Variants in FMN2 observed in about 807,000 individuals in gnomAD.
The protein encoded by FMN2 is formin-2.
Under a neutral mutation model 142.3 loss-of-function variants are expected in FMN2, and 51 were observed. The observed-to-expected ratio is 0.36, with a 90% CI of 0.29 to 0.45. The LOEUF (loss-of-function observed/expected upper bound fraction) is 0.45, where lower values mean the gene tolerates loss of function less well. FMN2 is among the 20% of genes least tolerant of loss of function. FMN2 has a pLI of 1.00. For synonymous variants in FMN2, 882 were observed against 869.8 expected (o/e 1.01, Z -0.25); for missense variants, 1,936 against 2,122.8 (o/e 0.91, Z 1.73).
chr1:240,193,307 G>A lies in FMN2; in HGVS notation c.1986+5045G>A, dbSNP rs190830974. 1.5e-3 allele frequency among the ~76,000 whole-genome samples: 229 copies of A among 152,214 alleles called. 2 individuals are homozygous for A. The South Asian group carries it at 0.019, about 13-fold the overall frequency. On this transcript the variant is annotated intron_variant, in intron 4 of 17. Coordinates refer to ENST00000319653, the MANE Select transcript of FMN2 (RefSeq NM_020066.5). ...TTGTGGTAGATATTGAAGGAAATACGAAGAATTATAAGACAAAATCTTGGG... is the reference window on the plus strand; with the variant it reads ...TTGTGGTAGATATTGAAGGAAATACAAAGAATTATAAGACAAAATCTTGGG...
chr1:240,233,894 T>TG (rs1215569054), intron 6 of FMN2, among the ~76,000 whole-genome samples: 2 of 152,130 alleles, frequency 1.3e-5, no homozygotes, highest in East Asian at 3.9e-4. Context: ...ACCCTGGAAA[T>TG]GGATTCTTTA....
chr1:240,367,463 T>C (rs377654443), intron 14 of FMN2, among the ~76,000 whole-genome samples: 15 of 152,274 alleles, frequency 9.9e-5, no homozygotes, highest in Admixed American at 8.5e-4. Flanking sequence ...TGGTGCATAA[T>C]TTTTTTGCCT....
chr1:240,292,088 C>A (rs188041846), intron 7 of FMN2, among the ~76,000 whole-genome samples: 2 of 152,232 alleles, frequency 1.3e-5, no homozygotes, highest in South Asian at 4.1e-4. Context: ...TAGTTTAGTT[C>A]GATTCCATGT....
intron 16 of FMN2, among the ~76,000 whole-genome samples, chr1:240,454,521 G>T (rs896604961): frequency 6.6e-5 from 10 of 152,296 alleles, no homozygotes; most frequent in African/African-American, 2.2e-4. Flanking sequence ...CAGCCTCGGT[G>T]ATGGAGTGAG....
intron 15 of FMN2, among the ~76,000 whole-genome samples, chr1:240,397,594 G>A (rs533188554): frequency 1.4e-3 from 207 of 151,958 alleles, no homozygotes; most frequent in African/African-American, 4.8e-3. Flanking sequence ...TGGTCAACCA[G>A]CCTGGCCAAC....
intron 14 of FMN2, among the ~76,000 whole-genome samples, chr1:240,358,086 C>T (rs1672336192): frequency 6.6e-6 from 1 of 152,230 alleles, no homozygotes; most frequent in Non-Finnish European, 1.5e-5. Flanking sequence ...CATGGCACCT[C>T]TTCCACTACT....
chr1:240,222,168 A>G (rs559531448), intron 6 of FMN2, among the ~76,000 whole-genome samples: 3 of 151,994 alleles, frequency 2.0e-5, no homozygotes, highest in Non-Finnish European at 4.4e-5. Context: ...ATTTTCATAT[A>G]GGATGTAAGG....
At chr1:240,243,339 G>GA in intron 6 of FMN2, among the ~76,000 whole-genome samples, 1 of 152,140 alleles carries the variant, frequency 6.6e-6, no homozygotes, top group Non-Finnish European at 1.5e-5. Flanking sequence ...TCCAAAGTAA[G>GA]AAAACTGAAT....
intron 7 of FMN2, among the ~76,000 whole-genome samples, chr1:240,286,243 A>G (rs950115190): frequency 2.0e-5 from 3 of 152,156 alleles, no homozygotes; most frequent in African/African-American, 4.8e-5. Context: ...TGTATTCAAC[A>G]TGCAGTACTC....
intron 6 of FMN2, among the ~76,000 whole-genome samples, chr1:240,217,087 G>A: frequency 6.6e-6 from 1 of 152,232 alleles, no homozygotes; most frequent in South Asian, 2.1e-4. Context: ...ATAAAAGGCT[G>A]CTTCTTACTA....
chr1:240,266,853 C>G (rs1668830665), intron 7 of FMN2, among the ~76,000 whole-genome samples: 1 of 152,008 alleles, frequency 6.6e-6, no homozygotes, highest in Non-Finnish European at 1.5e-5. Flanking sequence ...GGGGAAAGGA[C>G]TCCCTATTTA....
chr1:240,202,286 T>G (rs1175464200), intron 4 of FMN2, among the ~76,000 whole-genome samples: 2 of 152,120 alleles, frequency 1.3e-5, no homozygotes, highest in African/African-American at 2.4e-5. Flanking sequence ...AATGATGCAG[T>G]TACATTTTTG....
At chr1:240,407,441 A>G (rs1195438514) in intron 15 of FMN2, among the ~76,000 whole-genome samples, 10 of 152,164 alleles carry the variant, frequency 6.6e-5, no homozygotes, top group Non-Finnish European at 1.5e-5. Context: ...GCCCGGCCAC[A>G]GCTACACTTT....
At chr1:240,131,673 C>T (rs988626231) in intron 2 of FMN2, among the ~76,000 whole-genome samples, 5 of 151,948 alleles carry the variant, frequency 3.3e-5, no homozygotes, top group Admixed American at 2.6e-4. Context: ...CGCACTATTG[C>T]ACTCCAGCCT....
In FMN2 at chr1:240,188,272, T is replaced by A; in HGVS notation, c.1986+10T>A. ...AGATGCTGTCCAGAAGGTAAGATGA[T>A]CTTATTAGGATGTCAGATTCCCATC... On this transcript the variant is annotated intron_variant, in intron 4 of 17. Coordinates refer to ENST00000319653, the MANE Select transcript of FMN2 (RefSeq NM_020066.5). 6.2e-7 allele frequency: 1 copy of A among 1,612,306 alleles called. No homozygotes were observed. Among genetic ancestry groups the A allele is most frequent in the South Asian group, 1.1e-5 (1 of 90,898 alleles).
At chr1:240,174,568 G>A (rs35377317) in intron 2 of FMN2, among the ~76,000 whole-genome samples, 47,893 of 152,012 alleles carry the variant, frequency 0.32, 8,081 homozygotes, top group African/African-American at 0.45. Flanking sequence ...GTCTCACTGT[G>A]TTGCCCAGGC....
chr1:240,292,903 G>A (rs972727510), intron 7 of FMN2, among the ~76,000 whole-genome samples: 8 of 151,976 alleles, frequency 5.3e-5, no homozygotes, highest in East Asian at 3.9e-4. Flanking sequence ...AAAACTGCTC[G>A]TTCCCATTTG....
intron 15 of FMN2, among the ~76,000 whole-genome samples, chr1:240,435,102 A>C (rs2103172130): frequency 6.6e-6 from 1 of 152,298 alleles, no homozygotes; most frequent in African/African-American, 2.4e-5. Flanking sequence ...TTTGGCTCAC[A>C]GGTTCATAAA....
chr1:240,098,187 C>T (rs1034459481), intron 1 of FMN2, among the ~76,000 whole-genome samples: 5 of 147,142 alleles, frequency 3.4e-5, no homozygotes, highest in African/African-American at 7.7e-5. Context: ...CTGCAACCTC[C>T]GCCCACTGGG....
Sources: gnomAD v4.1 joint callset for allele counts (sites outside exome capture counted in the v4.1 genomes callset) on GRCh38, gnomAD v4.1.1 for gene constraint, MANE v1.5 for transcripts, NCBI Gene and HGNC (gene_info 2026-07-23, HGNC 2026-07-21) for gene names.